RABGGTB: variants seen among roughly 807,000 people sequenced by gnomAD.
The protein encoded by RABGGTB is Rab geranylgeranyltransferase subunit beta.
In RABGGTB, 20 loss-of-function variants were observed where a neutral mutation model predicts 44.5. The ratio of observed to expected loss-of-function variants is 0.45; its 90% CI spans 0.32 to 0.65. RABGGTB has a LOEUF of 0.65. Among genes scored for constraint, RABGGTB ranks in the 30% least tolerant of loss-of-function variants. The probability of loss-of-function intolerance (pLI) is 0.05; values close to 1 mark genes in which losing one functional copy is unlikely to be tolerated. For synonymous variants in RABGGTB, 128 were observed against 136.7 expected (o/e 0.94, Z 0.44); for missense variants, 302 against 398.7 (o/e 0.76, Z 2.06).
chr1:75,786,296 C>T lies in RABGGTB; in HGVS notation c.3+22C>T, dbSNP rs751091825. 2.5e-5 allele frequency: 40 copies of T among 1,614,022 alleles called. No homozygotes were observed. The Admixed American group carries it at 6.0e-4, about 24-fold the overall frequency. ...CATGGTAAGTGTGAGTTTAGCGCTG[C>T]TGTCCGGATGGGTTGGTAGCAGACA... On this transcript the variant is annotated intron_variant, in intron 1 of 8. Transcript: ENST00000319942.
chr1:75,789,840 G>T (rs1048333626), intron 3 of RABGGTB, 112 bp from the exon 4 acceptor site: 1 of 765,404 alleles, frequency 1.3e-6, no homozygotes, highest in African/African-American at 1.8e-5. Context: ...TTGAGAAAAG[G>T]TTATATACAC....
rs764970542 is a variant in RABGGTB at position 75,790,015 on chromosome 1, G to T, written c.373G>T (p.Gly125Cys). 9.3e-6 allele frequency: 15 copies of T among 1,613,130 alleles called. No individual in the cohort carries two copies. In the East Asian group the frequency reaches 3.3e-4, roughly 36 times the overall value. Reference protein sequence around the residue: ...DVNKVVEYVKGLQKEDGSFAG... With the variant: ...DVNKVVEYVKCLQKEDGSFAG... ...AAATAAAGTTGTGGAATATGTTAAAGGTCTACAGAAAGAAGATGGTTCTTT... is the reference window on the plus strand; with the variant it reads ...AAATAAAGTTGTGGAATATGTTAAATGTCTACAGAAAGAAGATGGTTCTTT... Residue 125 changes from glycine (G) to cysteine (C), a missense_variant, in exon 4 of 9, where the codon GGT becomes TGT. Gly to Cys is a radical substitution (Grantham distance 159). This residue lies in a region of RABGGTB where 213 missense variants were observed against 323.7 expected (regional missense o/e 0.66). Coordinates refer to ENST00000319942, the MANE Select transcript of RABGGTB (RefSeq NM_004582.4).
At chr1:75,787,358 G>T (rs1253789145) in intron 1 of RABGGTB, 139 bp from the exon 2 acceptor site, 10 of 668,796 alleles carry the variant, frequency 1.5e-5, no homozygotes, top group Non-Finnish European at 7.6e-6. Context: ...TCCCTAGTTA[G>T]TTACAATTTT....
rs1251991612 is a variant in RABGGTB, at chr1:75,789,953, T to C, written c.311T>C (p.Ile104Thr). The C allele has an allele frequency of 1.4e-5, 22 of 1,599,582 alleles. No homozygotes were observed. Among genetic ancestry groups the C allele is most frequent in the Non-Finnish European group, 1.9e-5 (22 of 1,168,064 alleles). The change falls in exon 4 of 9, where the codon ATT (isoleucine) becomes ACT (threonine). Residue 104 changes from isoleucine to threonine, a missense_variant and splice_region_variant. Ile to Thr is a moderately conservative substitution (Grantham distance 89, BLOSUM62 -1). Around this residue, in one of 2 missense-constraint regions of RABGGTB, gnomAD observed 213 missense variants for 323.7 expected, o/e 0.66. Transcript: ENST00000319942. ...ACCTAATACTTGTCTTTATTGCAGA[T>C]TCTTACGCTGTATGACAGTATTAAT... Reference protein sequence around the residue: ...HLLYTLSAVQILTLYDSINVI... With the variant: ...HLLYTLSAVQTLTLYDSINVI...
At position 75,794,077 on chromosome 1, in the gene RABGGTB, C is replaced by G. The variant is rs1649712333; in HGVS notation, c.706-7C>G. The stretch of plus-strand genomic sequence containing the variant: ...AATGAAATTGTGGCAACTTTTTTCC[C>G]TCCTAGTTACCAGATGTATGCTACT... On this transcript the variant is annotated splice_polypyrimidine_tract_variant and splice_region_variant and intron_variant, in intron 7 of 8. Coordinates refer to ENST00000319942, the MANE Select transcript of RABGGTB (RefSeq NM_004582.4). 6.4e-7 allele frequency: 1 copy of G among 1,564,854 alleles called. No individual in the cohort carries two copies. The highest frequency in any genetic ancestry group is 1.4e-5 in the African/African-American group (1 of 72,814).
intron 7 of RABGGTB, 154 bp from the exon 8 acceptor site, chr1:75,793,930 G>C: frequency 1.6e-6 from 1 of 637,246 alleles, no homozygotes; most frequent in Non-Finnish European, 2.5e-6. Flanking sequence ...TTCATACCCT[G>C]CATATCAGTA....
At chr1:75,789,442 C>A in intron 3 of RABGGTB, 86 bp downstream of exon 3, 1 of 1,403,840 alleles carries the variant, frequency 7.1e-7, no homozygotes, top group Non-Finnish European at 1.0e-6. Context: ...AGGATTTGGT[C>A]AAAAAGTTTT....
At chr1:75,786,685 C>T (rs1649496971) in intron 1 of RABGGTB, 1 of 260,246 alleles carries the variant, frequency 3.8e-6, no homozygotes, top group South Asian at 4.3e-5. Flanking sequence ...CGGTAATCTT[C>T]ATGACCTGTT....
intron 2 of RABGGTB, 56 bp downstream of exon 2, chr1:75,787,660 A>G: frequency 7.4e-7 from 1 of 1,360,342 alleles, no homozygotes; most frequent in Non-Finnish European, 1.0e-6. Flanking sequence ...TGACAGTCAT[A>G]AGCAGTGAGA....
At chr1:75,789,595 G>A (rs747568313) in intron 3 of RABGGTB, 1 of 699,288 alleles carries the variant, frequency 1.4e-6, no homozygotes, top group African/African-American at 1.7e-5. Flanking sequence ...CTGTAAAATA[G>A]CTAAATGGAG....
intron 8 of RABGGTB, 132 bp downstream of exon 8, chr1:75,794,365 G>A (rs931009302): frequency 1.5e-6 from 2 of 1,307,740 alleles, no homozygotes; most frequent in East Asian, 4.7e-5. Context: ...ATTGTAGAGT[G>A]TATGAAGGAT....
intron 2 of RABGGTB, 141 bp downstream of exon 2, chr1:75,787,745 T>A: frequency 1.4e-6 from 1 of 716,238 alleles, no homozygotes. Flanking sequence ...GAACTTCAGT[T>A]AAGTGTGCTT....
chr1:75,788,156 C>T, intron 2 of RABGGTB: 1 of 288,654 alleles, frequency 3.5e-6, no homozygotes, highest in Non-Finnish European at 6.9e-6. Context: ...TGTTAGGTTC[C>T]CATAACCTTG....
intron 6 of RABGGTB, among the ~76,000 whole-genome samples, 158 bp from the exon 7 acceptor site, chr1:75,792,022 AT>A (rs1649658040): frequency 6.6e-6 from 1 of 152,172 alleles, no homozygotes; most frequent in African/African-American, 2.4e-5. Context: ...GTATGCTTGG[AT>A]TTTTTCAGAT....
intron 7 of RABGGTB, chr1:75,793,533 G>A (rs1304799180): frequency 2.6e-5 from 4 of 152,356 alleles, no homozygotes; most frequent in Non-Finnish European, 4.4e-5. Flanking sequence ...GGGGAGCACC[G>A]GGACCTGCAC....
In RABGGTB at chr1:75,791,265, T is replaced by G; in HGVS notation, c.416-20T>G. Reference sequence around the variant, plus strand: ...ATGATTTGGTAACACCTGCCTTGATTTGATCTATTTTTATTGTAGGAGAAA... The same window carrying G: ...ATGATTTGGTAACACCTGCCTTGATGTGATCTATTTTTATTGTAGGAGAAA... On this transcript the variant is annotated intron_variant, in intron 4 of 8. Coordinates refer to ENST00000319942, the MANE Select transcript of RABGGTB (RefSeq NM_004582.4). The G allele has an allele frequency of 6.3e-7, 1 of 1,596,906 alleles. No individual in the cohort carries two copies. Among genetic ancestry groups the G allele is most frequent in the South Asian group, 1.1e-5 (1 of 90,756 alleles).
In RABGGTB at chr1:75,787,500, A is replaced by T; in HGVS notation, c.7A>T (p.Thr3Ser). Reference sequence around the variant, plus strand: ...GATTACCACTTTATTTTGAAAGGGCACTCCACAGAAGGATGTTATTATCAA... The same window carrying T: ...GATTACCACTTTATTTTGAAAGGGCTCTCCACAGAAGGATGTTATTATCAA... Reference protein sequence around the residue: MGTPQKDVIIKSD... With the variant: MGSPQKDVIIKSD... Residue 3 changes from threonine (T) to serine (S), a missense_variant, in exon 2 of 9, where the codon ACT becomes TCT. By Grantham distance (58) the Thr-to-Ser change is moderately conservative (BLOSUM62 1). Coordinates refer to ENST00000319942, the MANE Select transcript of RABGGTB (RefSeq NM_004582.4). The T allele has an allele frequency of 6.2e-7, 1 of 1,612,320 alleles. No individual in the cohort carries two copies. The highest frequency in any genetic ancestry group is 8.5e-7 in the Non-Finnish European group (1 of 1,178,468).
chr1:75,792,379 T>G, intron 7 of RABGGTB, 73 bp downstream of exon 7: 1 of 1,570,544 alleles, frequency 6.4e-7, no homozygotes, highest in East Asian at 2.3e-5. Context: ...CTTGCCTGTT[T>G]CTATATTGTA....
At chr1:75,788,950 A>T in intron 2 of RABGGTB, 1 of 570,168 alleles carries the variant, frequency 1.8e-6, no homozygotes, top group Non-Finnish European at 3.1e-6. Context: ...TGTGCTTCTC[A>T]GATAATTGTT....
Sources: allele counts gnomAD v4.1 joint callset (sites outside exome capture counted in the v4.1 genomes callset), GRCh38; gene constraint gnomAD v4.1.1; regional missense constraint gnomAD v4.1.1; transcripts MANE v1.5; gene names NCBI Gene and HGNC (gene_info 2026-07-23, HGNC 2026-07-21).